Variants in MMS22L observed in about 807,000 individuals in gnomAD.
MMS22L encodes MMS22 like, DNA repair protein.
A neutral mutation model predicts 159.1 loss-of-function variants in MMS22L; 74 were observed. The ratio of observed to expected loss-of-function variants is 0.47; its 90% CI spans 0.39 to 0.56. The LOEUF (loss-of-function observed/expected upper bound fraction) is 0.56, where lower values mean the gene tolerates loss of function less well. Among genes scored for constraint, MMS22L ranks in the 20% least tolerant of loss-of-function variants. MMS22L has a pLI of 0.00. For synonymous variants in MMS22L, 517 were observed against 506.9 expected (o/e 1.02, Z -0.27); for missense variants, 1,351 against 1,422.1 (o/e 0.95, Z 0.80).
chr6:97,162,809 C>G (rs1276434984), intron 21 of MMS22L, among the ~76,000 whole-genome samples: 1 of 151,968 alleles, frequency 6.6e-6, no homozygotes, highest in Non-Finnish European at 1.5e-5. Flanking sequence ...ATTCTCACCT[C>G]TTAGAACAGG....
At chr6:97,206,898 T>C (rs78929893) in intron 14 of MMS22L, among the ~76,000 whole-genome samples, 2,129 of 152,214 alleles carry the variant, frequency 0.014, 53 homozygotes, top group African/African-American at 0.049. Flanking sequence ...ATAGTGGCAA[T>C]TTAAAAGTTT....
At position 97,282,279 on chromosome 6, in the gene MMS22L, T is replaced by C. The variant is rs936879445; in HGVS notation, c.164+35A>G. The C allele has an allele frequency of 4.4e-6, 7 of 1,600,778 alleles. No homozygotes were observed. In the African/African-American group the frequency reaches 8.1e-5, roughly 18 times the overall value. ...ACATTCCTAAAAAACTGGTGAATAA[T>C]CAGATGAGGGAAAATGTCTCTGAGT... On this transcript the variant is annotated intron_variant, in intron 2 of 24. Transcript: ENST00000683635.
At chr6:97,253,116 T>C (rs1813413780) in intron 10 of MMS22L, among the ~76,000 whole-genome samples, 1 of 152,196 alleles carries the variant, frequency 6.6e-6, no homozygotes, top group African/African-American at 2.4e-5. Context: ...TACTGGGCCG[T>C]GTGTGAACTT....
chr6:97,226,529 G>A (rs1810266613), intron 14 of MMS22L, among the ~76,000 whole-genome samples: 1 of 152,054 alleles, frequency 6.6e-6, no homozygotes, highest in Non-Finnish European at 1.5e-5. Flanking sequence ...AGGAGGCGGA[G>A]GTTGCAGTGA....
intron 18 of MMS22L, among the ~76,000 whole-genome samples, chr6:97,176,487 C>G (rs948378313): frequency 2.0e-5 from 3 of 152,136 alleles, no homozygotes; most frequent in Non-Finnish European, 4.4e-5. Flanking sequence ...GCTTGCAAGG[C>G]TGGCTCTTGG....
intron 11 of MMS22L, among the ~76,000 whole-genome samples, chr6:97,242,663 G>A (rs1446777399): frequency 6.6e-6 from 1 of 152,014 alleles, no homozygotes; most frequent in Non-Finnish European, 1.5e-5. Flanking sequence ...TTTTCATTGT[G>A]TTATTGTTTG....
chr6:97,251,045 G>A lies in MMS22L; in HGVS notation c.1119+3512C>T, dbSNP rs143099889. On this transcript the variant is annotated intron_variant, in intron 10 of 24. Transcript: ENST00000683635. ...TTATATAATCTCTCAGAAACAATACGTCAATATGCCTTTATGTTCATGGAT... is the reference window on the plus strand; with the variant it reads ...TTATATAATCTCTCAGAAACAATACATCAATATGCCTTTATGTTCATGGAT... 5.4e-4 allele frequency among the ~76,000 whole-genome samples: 82 copies of A among 152,154 alleles called. No individual in the cohort carries two copies. In the East Asian group the frequency reaches 0.013, roughly 24 times the overall value.
At position 97,209,257 on chromosome 6, in the gene MMS22L, A is replaced by T. The variant is rs1203943894; in HGVS notation, c.2039+19637T>A. Among the ~76,000 whole-genome samples, 6 of 152,218 alleles carry T rather than the reference A, an allele frequency of 3.9e-5. No individual in the cohort carries two copies. In the East Asian group the frequency reaches 1.2e-3, roughly 29 times the overall value. On this transcript the variant is annotated intron_variant, in intron 14 of 24. Coordinates refer to ENST00000683635, the MANE Select transcript of MMS22L (RefSeq NM_001350599.2). ...AAAAAATAATTTCCCCAAGAACAGA[A>T]TCTAATCCTTATTTTTGCACACAAA...
intron 21 of MMS22L, among the ~76,000 whole-genome samples, chr6:97,163,993 A>T (rs1017982948): frequency 1.3e-5 from 2 of 152,064 alleles, no homozygotes; most frequent in African/African-American, 4.8e-5. Flanking sequence ...AAGATATTGC[A>T]GGTTTAATGG....
chr6:97,218,029 A>G (rs184069756), intron 14 of MMS22L, among the ~76,000 whole-genome samples: 242 of 152,292 alleles, frequency 1.6e-3, no homozygotes, highest in Non-Finnish European at 2.6e-3. Flanking sequence ...AAAGGAAGGT[A>G]AAGGCTCAAA....
chr6:97,166,297 C>G (rs1271315532), intron 20 of MMS22L, among the ~76,000 whole-genome samples: 1 of 152,078 alleles, frequency 6.6e-6, no homozygotes, highest in Non-Finnish European at 1.5e-5. Context: ...ATCACCAACA[C>G]AGCAATACAT....
chr6:97,197,812 C>T (rs954771826), intron 14 of MMS22L, among the ~76,000 whole-genome samples: 2 of 152,080 alleles, frequency 1.3e-5, no homozygotes, highest in African/African-American at 4.8e-5. Flanking sequence ...TTGGAAGAGA[C>T]CACCAATCTA....
chr6:97,199,863 T>C (rs1199439549), intron 14 of MMS22L, among the ~76,000 whole-genome samples: 1 of 152,128 alleles, frequency 6.6e-6, no homozygotes, highest in East Asian at 1.9e-4. Flanking sequence ...AGTACATATA[T>C]AATCTTTAGA....
intron 14 of MMS22L, among the ~76,000 whole-genome samples, chr6:97,224,539 C>A (rs1323522384): frequency 6.6e-6 from 1 of 150,550 alleles, no homozygotes; most frequent in African/African-American, 2.4e-5. Context: ...CCTCTCAAAT[C>A]ATTTTTTCCA....
chr6:97,199,104 AC>A (rs1806858399), intron 14 of MMS22L, among the ~76,000 whole-genome samples: 1 of 152,112 alleles, frequency 6.6e-6, no homozygotes, highest in Non-Finnish European at 1.5e-5. Flanking sequence ...TCTAATGACA[AC>A]TGCAATCATT....
At position 97,265,907 on chromosome 6, in the gene MMS22L, G is replaced by C. The variant is rs535679230; in HGVS notation, c.828+1965C>G. On this transcript the variant is annotated intron_variant, in intron 8 of 24. Transcript: ENST00000683635. The stretch of plus-strand genomic sequence containing the variant: ...CGGCTAATTTTTTGTATTTTTAGTA[G>C]AGACGGGTTTCACCATGTTAACCAG... 102 of 152,210 alleles carry C rather than the reference G, an allele frequency of 6.7e-4. 1 individual carries two copies. Among genetic ancestry groups the C allele is most frequent in the African/African-American group, 2.3e-3 (96 of 41,496 alleles). 9.4% of individuals were successfully genotyped at this position (152,210 alleles called of 1,614,324 possible). A position where few individuals can be genotyped will look rare whatever the true frequency, so the allele number is the denominator to read the frequency against.
intron 18 of MMS22L, among the ~76,000 whole-genome samples, chr6:97,177,352 T>C (rs1340666580): frequency 6.6e-6 from 1 of 152,152 alleles, no homozygotes; most frequent in Non-Finnish European, 1.5e-5. Flanking sequence ...ACTATTTTAG[T>C]CTTTGTGTAT....
Position 97,282,487 on chromosome 6 carries a change from C to A in MMS22L, c.-10G>T. 1 of 1,558,074 alleles carries A rather than the reference C, an allele frequency of 6.4e-7. No homozygotes were observed. The highest frequency in any genetic ancestry group is 1.4e-5 in the African/African-American group (1 of 69,320). ...CAGAACAGTTCTCCATTGTTTACTT[C>A]ATGTTCTGAAACACTTGGGGTTCGT... On this transcript the variant is annotated 5_prime_UTR_variant, in exon 2 of 25. The change abolishes an upstream ATG in the 5' untranslated region. Transcript: ENST00000683635.
At chr6:97,191,773 T>C (rs937009524) in intron 14 of MMS22L, among the ~76,000 whole-genome samples, 1 of 152,214 alleles carries the variant, frequency 6.6e-6, no homozygotes, top group African/African-American at 2.4e-5. Flanking sequence ...CCTCTCATCA[T>C]ACTTGCTTGT....
Sources: allele counts gnomAD v4.1 joint callset (sites outside exome capture counted in the v4.1 genomes callset), GRCh38; gene constraint gnomAD v4.1.1; transcripts MANE v1.5; gene names NCBI Gene and HGNC (gene_info 2026-07-23, HGNC 2026-07-21).